PANX1: variants seen among roughly 807,000 people sequenced by gnomAD.
PANX1 encodes the protein pannexin 1.
Under a neutral mutation model 38.7 loss-of-function variants are expected in PANX1, and 30 were observed. That is an observed-to-expected ratio of 0.78 (90% CI 0.58 to 1.05). The LOEUF is 1.05. Among genes scored for constraint, PANX1 ranks in the 50% least tolerant of loss-of-function variants. PANX1 has a pLI of 0.00. For synonymous variants in PANX1, 230 were observed against 212.2 expected, an observed-to-expected ratio of 1.08 and a Z score of -0.73; for missense variants, 551 against 517.2, an observed-to-expected ratio of 1.07 and a Z score of -0.63.
intron 2 of PANX1, among the ~76,000 whole-genome samples, chr11:94,166,565 C>A (rs576226568): frequency 6.6e-6 from 1 of 152,292 alleles, no homozygotes; most frequent in African/African-American, 2.4e-5. Context: ...TGCATCTTTT[C>A]ACCTGGTGTT....
At chr11:94,132,590 G>T (rs919242736) in intron 1 of PANX1, among the ~76,000 whole-genome samples, 4 of 152,016 alleles carry the variant, frequency 2.6e-5, no homozygotes, top group Non-Finnish European at 1.5e-5. Context: ...TTTCCTGTTT[G>T]TGTTGGGGGG....
rs1342911938 is a variant in PANX1, at chr11:94,180,075, G to A, written c.1019G>A (p.Ser340Asn). ...AATCTCTTCTTGGAGGAAAATATAA[G>A]TGAGGTCAAGTCATACAAGTGTCTT... ...LYNLFLEENI[S>N]EVKSYKCLKV... is the part of the protein sequence containing the mutation. Residue 340 changes from serine (S) to asparagine (N), a missense_variant, in exon 4 of 5, where the codon AGT becomes AAT. Transcript: ENST00000227638. 4 of 1,613,572 alleles carry A rather than the reference G, an allele frequency of 2.5e-6. No homozygotes were observed. The highest frequency in any genetic ancestry group is 2.5e-6 in the Non-Finnish European group (3 of 1,179,758).
intron 2 of PANX1, among the ~76,000 whole-genome samples, chr11:94,173,004 G>A (rs1039881596): frequency 6.6e-6 from 1 of 151,740 alleles, no homozygotes; most frequent in Non-Finnish European, 1.5e-5. Context: ...TGTATTTTCT[G>A]CCTTCTGTAA....
chr11:94,178,429 C>A lies in PANX1; in HGVS notation c.382C>A (p.Arg128Ser), dbSNP rs751430673. The change falls in exon 3 of 5, where the codon CGT (arginine) becomes AGT (serine). Residue 128 changes from arginine (R) to serine (S), a missense_variant. Transcript: ENST00000227638. Reference sequence around the variant, plus strand: ...CCTGTACCTGCCCCCGCTGTTCTGGCGTTTCGCAGCTGCTCCTCATATTTG... The same window carrying A: ...CCTGTACCTGCCCCCGCTGTTCTGGAGTTTCGCAGCTGCTCCTCATATTTG... ...ILLYLPPLFW[R>S]FAAAPHICSD... 2 of 1,613,952 alleles carry A rather than the reference C, an allele frequency of 1.2e-6. No homozygotes were observed. The highest frequency in any genetic ancestry group is 1.7e-6 in the Non-Finnish European group (2 of 1,179,968).
intron 1 of PANX1, among the ~76,000 whole-genome samples, chr11:94,151,140 G>C (rs1946878851): frequency 6.6e-6 from 1 of 152,194 alleles, no homozygotes. Flanking sequence ...TTGGTGTCTA[G>C]TGAATATGAG....
chr11:94,143,872 C>T (rs1398415389), intron 1 of PANX1, among the ~76,000 whole-genome samples: 2 of 152,046 alleles, frequency 1.3e-5, no homozygotes, highest in Non-Finnish European at 2.9e-5. Flanking sequence ...CCTCAGACTC[C>T]CATGTAGGTG....
chr11:94,160,402 G>C (rs1283140012), intron 2 of PANX1, among the ~76,000 whole-genome samples: 1 of 152,102 alleles, frequency 6.6e-6, no homozygotes, highest in Non-Finnish European at 1.5e-5. Context: ...TATGAATCTG[G>C]GGGCTCCTGT....
chr11:94,132,188 A>T (rs573280705), intron 1 of PANX1, among the ~76,000 whole-genome samples: 2 of 152,230 alleles, frequency 1.3e-5, no homozygotes, highest in African/African-American at 4.8e-5. Context: ...TGTTATGTGC[A>T]TGATGCTGTA....
At chr11:94,175,846 A>G in intron 2 of PANX1, 1 of 984,674 alleles carries the variant, frequency 1.0e-6, no homozygotes, top group Non-Finnish European at 1.2e-6. Context: ...CTTTTGAAAC[A>G]CCTCATCCCG....
chr11:94,173,976 G>T (rs2134520480), intron 2 of PANX1, among the ~76,000 whole-genome samples: 1 of 151,656 alleles, frequency 6.6e-6, no homozygotes, highest in East Asian at 1.9e-4. Context: ...GAGAGTCTGT[G>T]ATGTGCTTTC....
At chr11:94,160,876 C>G (rs988000406) in intron 2 of PANX1, among the ~76,000 whole-genome samples, 1 of 152,128 alleles carries the variant, frequency 6.6e-6, no homozygotes, top group Non-Finnish European at 1.5e-5. Context: ...TTGTTCCTTT[C>G]CATGTTTAGT....
Position 94,179,900 on chromosome 11 carries a change from G to C in PANX1, c.844G>C (p.Val282Leu), listed in dbSNP as rs557291681. ...CCAGTTGCTCAGTGTCATTAACCTT[G>C]TGGTTTATGTCCTGCTGGCTCCCGT... is the stretch of plus-strand genomic sequence containing the variant. ...IFQLLSVINL[V>L]VYVLLAPVVV... Residue 282 changes from valine to leucine, a missense_variant, in exon 4 of 5, where the codon GTG (valine) becomes CTG (leucine). Transcript: ENST00000227638. The C allele has an allele frequency of 6.2e-7, 1 of 1,613,728 alleles. No individual in the cohort carries two copies. Among genetic ancestry groups the C allele is most frequent in the Non-Finnish European group, 8.5e-7 (1 of 1,179,790 alleles).
At position 94,165,481 on chromosome 11, in the gene PANX1, T is replaced by C. The variant is rs150915726; in HGVS notation, c.321+11851T>C. The stretch of plus-strand genomic sequence containing the variant: ...CACACATAACAATATTAACTTTAAA[T>C]GTAAATGGGCTAAATGCTCCAATTA... On this transcript the variant is annotated intron_variant, in intron 2 of 4. Coordinates refer to ENST00000227638, the MANE Select transcript of PANX1 (RefSeq NM_015368.4). 1.1e-3 allele frequency among the ~76,000 whole-genome samples: 160 copies of C among 152,330 alleles called. 2 individuals carry two copies. In the East Asian group the frequency reaches 0.015, roughly 14 times the overall value.
At chr11:94,167,029 C>G (rs1201485171) in intron 2 of PANX1, among the ~76,000 whole-genome samples, 2 of 152,184 alleles carry the variant, frequency 1.3e-5, no homozygotes, top group Admixed American at 6.5e-5. Flanking sequence ...GCAGGAGTCA[C>G]TTTTCTCCCA....
At chr11:94,147,792 G>A (rs562837006) in intron 1 of PANX1, among the ~76,000 whole-genome samples, 5 of 152,288 alleles carry the variant, frequency 3.3e-5, no homozygotes, top group African/African-American at 1.2e-4. Flanking sequence ...CATCTGGTGA[G>A]GGCAGTGCTG....
At chr11:94,157,072 G>T (rs1290437856) in intron 2 of PANX1, among the ~76,000 whole-genome samples, 1 of 151,902 alleles carries the variant, frequency 6.6e-6, no homozygotes, top group Non-Finnish European at 1.5e-5. Flanking sequence ...CTTTTTTATG[G>T]CTGCATAGTA....
At chr11:94,136,266 T>G (rs564198298) in intron 1 of PANX1, among the ~76,000 whole-genome samples, 7 of 152,168 alleles carry the variant, frequency 4.6e-5, no homozygotes, top group African/African-American at 1.7e-4. Flanking sequence ...CATTAGAAGT[T>G]TGGAAGAAGC....
intron 2 of PANX1, among the ~76,000 whole-genome samples, chr11:94,173,462 T>C (rs907542622): frequency 6.6e-6 from 1 of 151,558 alleles, no homozygotes; most frequent in African/African-American, 2.4e-5. Context: ...TTTCTCATCT[T>C]CTCAGGTCTG....
intron 2 of PANX1, among the ~76,000 whole-genome samples, chr11:94,157,791 G>C (rs1413407634): frequency 1.3e-5 from 2 of 152,128 alleles, no homozygotes; most frequent in Non-Finnish European, 2.9e-5. Context: ...ATTGCTTTTG[G>C]TGTTTTAGAC....
Sources: allele counts gnomAD v4.1 joint callset (sites outside exome capture counted in the v4.1 genomes callset), GRCh38; gene constraint gnomAD v4.1.1; transcripts MANE v1.5; gene names NCBI Gene and HGNC (gene_info 2026-07-23, HGNC 2026-07-21).